The following NCKAP5 variants were observed in gnomAD, a reference collection of about 807,000 sequenced individuals.
NCKAP5 encodes nck-associated protein 5.
Under a neutral mutation model 167.0 loss-of-function variants are expected in NCKAP5, and 92 were observed. That is an observed-to-expected ratio of 0.55 (90% CI 0.47 to 0.66). The LOEUF is 0.66. NCKAP5 is among the 30% of genes least tolerant of loss of function. The pLI, the probability that NCKAP5 is intolerant of heterozygous loss-of-function variation, is 0.00. For missense variants in NCKAP5, 2,378 were observed against 2,315.0 expected, an observed-to-expected ratio of 1.03 and a Z score of -0.56; for synonymous variants, 891 against 877.4, an observed-to-expected ratio of 1.02 and a Z score of -0.27.
chr2:132,732,862 G>A (rs926503404), intron 16 of NCKAP5, among the ~76,000 whole-genome samples: 1 of 152,130 alleles, frequency 6.6e-6, no homozygotes, highest in African/African-American at 2.4e-5. Context: ...CGCCAGAAGG[G>A]TCATCCCAAA....
chr2:133,458,775 G>A (rs569173446), intron 3 of NCKAP5, among the ~76,000 whole-genome samples: 1 of 152,256 alleles, frequency 6.6e-6, no homozygotes, highest in African/African-American at 2.4e-5. Flanking sequence ...AGGCTGATAA[G>A]GACTCTCGGG....
chr2:132,739,978 C>G (rs1290746356), intron 16 of NCKAP5, among the ~76,000 whole-genome samples: 1 of 152,138 alleles, frequency 6.6e-6, no homozygotes, highest in African/African-American at 2.4e-5. Flanking sequence ...CAGATTACTA[C>G]ACCATGATTT....
chr2:132,923,680 G>A (rs569240460), intron 8 of NCKAP5, among the ~76,000 whole-genome samples: 1 of 152,110 alleles, frequency 6.6e-6, no homozygotes, highest in Non-Finnish European at 1.5e-5. Context: ...AGGATTAAAT[G>A]AAAATAAAAG....
At chr2:133,523,754 C>T (rs1684655761) in intron 2 of NCKAP5, among the ~76,000 whole-genome samples, 1 of 152,070 alleles carries the variant, frequency 6.6e-6, no homozygotes, top group Admixed American at 6.5e-5. Flanking sequence ...TGTTATATTC[C>T]CTGCAGCATC....
intron 2 of NCKAP5, among the ~76,000 whole-genome samples, chr2:133,529,496 G>A (rs1441638077): frequency 1.3e-5 from 2 of 152,122 alleles, no homozygotes; most frequent in African/African-American, 4.8e-5. Context: ...TTAGATAGTT[G>A]TTTGTGTTTT....
At chr2:133,649,013 A>T in the NCKAP5 span, among the ~76,000 whole-genome samples, 12 of 151,980 alleles carry the variant, frequency 7.9e-5, no homozygotes, top group African/African-American at 2.9e-4. Flanking sequence ...ACTAAGAAAA[A>T]GAGAAAGACT....
chr2:133,144,778 C>T (rs765573384), intron 5 of NCKAP5, among the ~76,000 whole-genome samples: 3 of 152,122 alleles, frequency 2.0e-5, no homozygotes, highest in Non-Finnish European at 4.4e-5. Flanking sequence ...AACCATTAGC[C>T]AGTGTGTCTT....
At chr2:132,685,484 A>C (rs1030850051) in intron 19 of NCKAP5, among the ~76,000 whole-genome samples, 13 of 152,162 alleles carry the variant, frequency 8.5e-5, no homozygotes, top group African/African-American at 3.1e-4. Context: ...TCGGAAATGA[A>C]TGTTTCTCTG....
rs184696823 is a variant in NCKAP5, at chr2:132,984,573, C to T, written c.429+9579G>A. ...TTTCTCTTCATCGCCATGCTGTGCT[C>T]GCCGTGCAGACAAAATCAATAAGGA... On this transcript the variant is annotated intron_variant, in intron 7 of 19. Transcript: ENST00000409261. Among the ~76,000 whole-genome samples, 304 of 152,232 alleles carry T rather than the reference C, an allele frequency of 2.0e-3. 1 individual carries two copies. Among genetic ancestry groups the T allele is most frequent in the Middle Eastern group, 0.017 (5 of 294 alleles).
At chr2:132,803,963 G>C (rs1053039278) in intron 11 of NCKAP5, among the ~76,000 whole-genome samples, 1 of 152,222 alleles carries the variant, frequency 6.6e-6, no homozygotes, top group African/African-American at 2.4e-5. Flanking sequence ...GTGGAGGCCA[G>C]TGTATTAACC....
the NCKAP5 span, among the ~76,000 whole-genome samples, chr2:133,589,105 G>A: frequency 3.9e-5 from 6 of 152,314 alleles, no homozygotes; most frequent in Non-Finnish European, 8.8e-5. Flanking sequence ...ATTCTTAAGG[G>A]ATATTGGGGT....
intron 6 of NCKAP5, among the ~76,000 whole-genome samples, chr2:133,047,342 C>T (rs1355844668): frequency 6.6e-6 from 1 of 152,224 alleles, no homozygotes; most frequent in Non-Finnish European, 1.5e-5. Context: ...ATGCCCAAAC[C>T]ACTGCTTCCT....
chr2:132,744,598 C>A, intron 16 of NCKAP5, among the ~76,000 whole-genome samples: 1 of 149,224 alleles, frequency 6.7e-6, no homozygotes, highest in African/African-American at 2.5e-5. Flanking sequence ...ATAAACTAAG[C>A]AGAAGACATA....
chr2:132,886,382 C>T (rs1692222587), intron 8 of NCKAP5, among the ~76,000 whole-genome samples: 2 of 152,200 alleles, frequency 1.3e-5, no homozygotes, highest in Admixed American at 6.5e-5. Context: ...GCATGTACTT[C>T]CTAAAAATAC....
chr2:133,632,492 G>A, the NCKAP5 span, among the ~76,000 whole-genome samples: 1 of 152,140 alleles, frequency 6.6e-6, no homozygotes, highest in Non-Finnish European at 1.5e-5. Context: ...ATGTCAGCTG[G>A]CTTTATTTAC....
chr2:132,764,383 A>G (rs1681270340), intron 16 of NCKAP5, among the ~76,000 whole-genome samples: 1 of 152,226 alleles, frequency 6.6e-6, no homozygotes, highest in African/African-American at 2.4e-5. Flanking sequence ...CAGAGTTTAC[A>G]TTTCAGGTTG....
At chr2:133,531,276 T>C (rs1685343758) in intron 2 of NCKAP5, among the ~76,000 whole-genome samples, 1 of 152,182 alleles carries the variant, frequency 6.6e-6, no homozygotes. Flanking sequence ...CATTAATAAA[T>C]TACTTCAATC....
At chr2:133,273,734 T>C (rs1306687716) in intron 4 of NCKAP5, among the ~76,000 whole-genome samples, 1 of 151,886 alleles carries the variant, frequency 6.6e-6, no homozygotes, top group East Asian at 1.9e-4. Flanking sequence ...TAAATGGTGT[T>C]ACTAAATAAG....
At chr2:133,059,299 CA>C (rs1398324825) in intron 6 of NCKAP5, among the ~76,000 whole-genome samples, 3 of 151,558 alleles carry the variant, frequency 2.0e-5, no homozygotes, top group Admixed American at 1.3e-4. Flanking sequence ...GACTCCATCT[CA>C]AAAAAAATAT....
Sources: gnomAD v4.1 joint callset for allele counts (sites outside exome capture counted in the v4.1 genomes callset) on GRCh38, gnomAD v4.1.1 for gene constraint, MANE v1.5 for transcripts, NCBI Gene and HGNC (gene_info 2026-07-23, HGNC 2026-07-21) for gene names.